Variants in COL27A1 observed in about 807,000 individuals in gnomAD.
COL27A1 encodes collagen type XXVII alpha 1 chain.
Under a neutral mutation model 251.3 loss-of-function variants are expected in COL27A1, and 106 were observed. That is an observed-to-expected ratio of 0.42 (90% confidence interval 0.36 to 0.50). COL27A1 has a LOEUF of 0.50. Ranked by LOEUF, COL27A1 falls within the 20% of genes least tolerant of loss-of-function variation. The probability of loss-of-function intolerance (pLI) is 0.00; values close to 1 mark genes in which losing one functional copy is unlikely to be tolerated. For missense variants in COL27A1, 2,325 were observed against 2,522.8 expected (o/e 0.92, Z 1.68); for synonymous variants, 1,000 against 986.3 (o/e 1.01, Z -0.26).
chr9:114,295,128 T>C (rs1388877541), intron 49 of COL27A1, among the ~76,000 whole-genome samples: 2 of 152,178 alleles, frequency 1.3e-5, no homozygotes, highest in Non-Finnish European at 2.9e-5. Context: ...CACAAATGAA[T>C]TGCATTTCTA....
chr9:114,304,145 C>T (rs780333106), intron 56 of COL27A1, among the ~76,000 whole-genome samples: 8 of 152,018 alleles, frequency 5.3e-5, no homozygotes, highest in Non-Finnish European at 1.0e-4. Flanking sequence ...GGGGCATTGT[C>T]GCCTCTCCTT....
At chr9:114,233,348 G>A (rs1024836713) in intron 16 of COL27A1, among the ~76,000 whole-genome samples, 1 of 152,120 alleles carries the variant, frequency 6.6e-6, no homozygotes, top group African/African-American at 2.4e-5. Flanking sequence ...TAGCCAGCTG[G>A]GTGCCATGCC....
chr9:114,238,367 C>T (rs749299629), intron 19 of COL27A1, among the ~76,000 whole-genome samples: 4 of 152,116 alleles, frequency 2.6e-5, no homozygotes, highest in Non-Finnish European at 5.9e-5. Flanking sequence ...ACAGGGGTCT[C>T]GTGTCTAGAG....
At chr9:114,177,229 C>T (rs2135139429) in intron 3 of COL27A1, among the ~76,000 whole-genome samples, 1 of 152,302 alleles carries the variant, frequency 6.6e-6, no homozygotes, top group Non-Finnish European at 1.5e-5. Context: ...AGGATTTGAA[C>T]AAAGATCAGC....
At chr9:114,233,435 C>T (rs1366931207) in intron 16 of COL27A1, among the ~76,000 whole-genome samples, 1 of 152,202 alleles carries the variant, frequency 6.6e-6, no homozygotes, top group South Asian at 2.1e-4. Flanking sequence ...CCACAACCCA[C>T]CTCTGCCCCC....
At chr9:114,175,584 C>T (rs4979346) in intron 3 of COL27A1, among the ~76,000 whole-genome samples, 1 of 151,986 alleles carries the variant, frequency 6.6e-6, no homozygotes, top group Non-Finnish European at 1.5e-5. Context: ...TCAAGGAGTC[C>T]GCCTGTGGGC....
At chr9:114,273,085 A>G (rs1835253824) in intron 36 of COL27A1, 1 of 152,128 alleles carries the variant, frequency 6.6e-6, no homozygotes, top group African/African-American at 2.4e-5. Flanking sequence ...AAGGACGCCC[A>G]CCCCAGGGGT....
chr9:114,284,946 A>G (rs1432633137), intron 41 of COL27A1, among the ~76,000 whole-genome samples, 169 bp downstream of exon 41: 1 of 152,246 alleles, frequency 6.6e-6, no homozygotes, highest in Non-Finnish European at 1.5e-5. Context: ...CCCAGCCCGC[A>G]GGAGCTGTCA....
chr9:114,175,825 G>C (rs1827393159), intron 3 of COL27A1, among the ~76,000 whole-genome samples: 1 of 152,182 alleles, frequency 6.6e-6, no homozygotes, highest in Admixed American at 6.5e-5. Context: ...CACCCTGCTG[G>C]GTCTTTGCCT....
intron 19 of COL27A1, 77 bp from the exon 20 acceptor site, chr9:114,240,143 G>T: frequency 7.6e-7 from 1 of 1,309,634 alleles, no homozygotes. Context: ...AACCCGGTCA[G>T]TCTCCCTGCA....
intron 6 of COL27A1, among the ~76,000 whole-genome samples, chr9:114,195,089 G>A (rs756941190): frequency 6.6e-6 from 1 of 152,174 alleles, no homozygotes; most frequent in Non-Finnish European, 1.5e-5. Context: ...ATTGTCCAGT[G>A]TGTCAGTCTT....
In COL27A1 at chr9:114,283,722, G is replaced by T. The variant is rs201438078; in HGVS notation, c.3893G>T (p.Arg1298Leu). 9.9e-6 allele frequency: 16 copies of T among 1,613,914 alleles called. No individual in the cohort carries two copies. In the Admixed American group the frequency reaches 2.7e-4, roughly 27 times the overall value. Residue 1298 changes from arginine (R) to leucine (L), a missense_variant, in exon 40 of 61, where the codon CGC (arginine) becomes CTC (leucine). Physicochemically the swap from Arg to Leu is moderately radical, Grantham distance 102. Transcript: ENST00000356083. ...CTCCTCTTGTAGGGTGCTCCGGGAC[G>T]CATGGGGGCCCAAGGAGAACCGGGA... ...GSLGPTGAPG[R>L]MGAQGEPGLA...
chr9:114,239,152 TG>T (rs1478649365), intron 19 of COL27A1, among the ~76,000 whole-genome samples: 8 of 152,230 alleles, frequency 5.3e-5, no homozygotes, highest in Non-Finnish European at 1.0e-4. Flanking sequence ...CCTGAGACCA[TG>T]GGAGGGAGCT....
intron 6 of COL27A1, among the ~76,000 whole-genome samples, chr9:114,195,189 G>A (rs1360818564): frequency 1.3e-5 from 2 of 152,206 alleles, no homozygotes; most frequent in Non-Finnish European, 2.9e-5. Flanking sequence ...ATGGAACACT[G>A]CTTCTCAGCC....
rs560172709 is a variant in COL27A1 at position 114,257,727 on chromosome 9, A to G, written c.3142-814A>G. Among the ~76,000 whole-genome samples the G allele has an allele frequency of 8.6e-5, 13 of 151,844 alleles. No homozygotes were observed. The South Asian group carries it at 2.7e-3, about 32-fold the overall frequency. On this transcript the variant is annotated intron_variant, in intron 27 of 60. Transcript: ENST00000356083. ...CCCACTCTGCCCTCTCCGCCTCCCA[A>G]GCTCACCCCAGGCCTGTGTTCTCAG... is the stretch of plus-strand genomic sequence containing the variant.
chr9:114,289,544 C>T (rs1045003576), intron 45 of COL27A1, among the ~76,000 whole-genome samples: 2 of 152,138 alleles, frequency 1.3e-5, no homozygotes, highest in Admixed American at 6.5e-5. Flanking sequence ...CTGAGGCCAA[C>T]CAGAGTGACT....
At chr9:114,307,028 C>A in intron 58 of COL27A1, 1 of 274,236 alleles carries the variant, frequency 3.6e-6, no homozygotes. Context: ...CATCTGTGAG[C>A]TGATGTGGTG....
chr9:114,187,237 C>A (rs1350103194), intron 5 of COL27A1, among the ~76,000 whole-genome samples: 1 of 152,250 alleles, frequency 6.6e-6, no homozygotes, highest in Non-Finnish European at 1.5e-5. Flanking sequence ...CAGGGGGCTT[C>A]CAGCCCAGAA....
chr9:114,208,015 C>A (rs149759048), intron 10 of COL27A1, among the ~76,000 whole-genome samples: 61 of 152,250 alleles, frequency 4.0e-4, no homozygotes, highest in African/African-American at 1.5e-3. Context: ...GGTTAGGAGC[C>A]CAGGCCCAGG....
Sources: allele counts gnomAD v4.1 joint callset (sites outside exome capture counted in the v4.1 genomes callset), GRCh38; gene constraint gnomAD v4.1.1; transcripts MANE v1.5; gene names NCBI Gene and HGNC (gene_info 2026-07-23, HGNC 2026-07-21).